Variants in AK5 observed in about 807,000 individuals in gnomAD.
AK5 encodes the protein adenylate kinase 5.
In AK5, 27 loss-of-function variants were observed where a neutral mutation model predicts 69.5. The observed-to-expected ratio is 0.39, with a 90% CI of 0.29 to 0.54. The LOEUF (loss-of-function observed/expected upper bound fraction) is 0.54. Ranked by LOEUF, AK5 falls within the 20% of genes least tolerant of loss-of-function variation. AK5 has a pLI of 0.71. For missense variants in AK5, 531 were observed against 700.4 expected (o/e 0.76, Z 2.73); for synonymous variants, 260 against 244.4 (o/e 1.06, Z -0.60).
intron 8 of AK5, among the ~76,000 whole-genome samples, chr1:77,471,510 AC>A (rs1158783679): frequency 6.6e-6 from 1 of 152,122 alleles, no homozygotes; most frequent in Admixed American, 6.5e-5. Context: ...GCTTTTCCCC[AC>A]TGCAATAGTA....
At chr1:77,540,896 T>G (rs1659232205) in intron 13 of AK5, among the ~76,000 whole-genome samples, 1 of 150,584 alleles carries the variant, frequency 6.6e-6, no homozygotes, top group East Asian at 2.0e-4. Flanking sequence ...AGCTTAGGAG[T>G]TTTTTTTTGT....
intron 5 of AK5, among the ~76,000 whole-genome samples, chr1:77,325,749 A>C (rs1302474392): frequency 6.6e-6 from 1 of 151,258 alleles, no homozygotes; most frequent in Non-Finnish European, 1.5e-5. Flanking sequence ...TATCTTGCCC[A>C]TTTTGCATCT....
chr1:77,413,240 C>A (rs1650168033), intron 7 of AK5, among the ~76,000 whole-genome samples: 2 of 152,104 alleles, frequency 1.3e-5, no homozygotes, highest in African/African-American at 4.8e-5. Flanking sequence ...TAGGCATTTT[C>A]CACCTGCTCT....
At chr1:77,397,899 C>CTAAA (rs911427657) in intron 6 of AK5, among the ~76,000 whole-genome samples, 1 of 152,060 alleles carries the variant, frequency 6.6e-6, no homozygotes, top group Non-Finnish European at 1.5e-5. Context: ...AAGACGGTCT[C>CTAAA]TAAATAAATA....
chr1:77,319,228 A>G (rs1206441412), intron 5 of AK5, among the ~76,000 whole-genome samples: 1 of 152,074 alleles, frequency 6.6e-6, no homozygotes, highest in Non-Finnish European at 1.5e-5. Context: ...AAATTTCAAG[A>G]CTTTCCTTTC....
At position 77,341,416 on chromosome 1, in the gene AK5, C is replaced by T. The variant is rs1296140395; in HGVS notation, c.891+848C>T. 3.3e-5 allele frequency among the ~76,000 whole-genome samples: 5 copies of T among 152,204 alleles called. No homozygotes were observed. In the East Asian group the frequency reaches 5.8e-4, roughly 18 times the overall value. On this transcript the variant is annotated intron_variant, in intron 6 of 13. Coordinates refer to ENST00000354567, the MANE Select transcript of AK5 (RefSeq NM_174858.3). ...ACCTTGGCAGAATCCTCCTCTCAGC[C>T]CTCGGGCCCGGGCCAGTGGACCAAA...
At chr1:77,431,887 A>T (rs1220128775) in intron 8 of AK5, among the ~76,000 whole-genome samples, 1 of 152,200 alleles carries the variant, frequency 6.6e-6, no homozygotes, top group Admixed American at 6.5e-5. Context: ...GGCTACAAGG[A>T]TAAGTAACAA....
chr1:77,476,811 T>C (rs1365225352), intron 8 of AK5, among the ~76,000 whole-genome samples: 1 of 152,098 alleles, frequency 6.6e-6, no homozygotes, highest in African/African-American at 2.4e-5. Context: ...CAGATGAGAT[T>C]GCACATGCTG....
At chr1:77,355,748 G>A (rs1300232462) in intron 6 of AK5, among the ~76,000 whole-genome samples, 2 of 151,824 alleles carry the variant, frequency 1.3e-5, no homozygotes, top group African/African-American at 4.8e-5. Context: ...TAATTCTGCT[G>A]TCATCATCAA....
At position 77,304,720 on chromosome 1, in the gene AK5, G is replaced by A. The variant is rs149973277; in HGVS notation, c.699+6773G>A. On this transcript the variant is annotated intron_variant, in intron 5 of 13. Coordinates refer to ENST00000354567, the MANE Select transcript of AK5 (RefSeq NM_174858.3). ...ATGCCCGGCCTTATGTACCACATTTGCTTTATCCATTCATCTGTGGATGAA... is the reference window on the plus strand; with the variant it reads ...ATGCCCGGCCTTATGTACCACATTTACTTTATCCATTCATCTGTGGATGAA... Among the ~76,000 whole-genome samples, 957 of 152,242 alleles carry A rather than the reference G, an allele frequency of 6.3e-3. 7 individuals carry two copies. Among genetic ancestry groups the A allele is most frequent in the Non-Finnish European group, 9.9e-3 (670 of 68,002 alleles).
chr1:77,282,689 G>C, intron 1 of AK5: 3 of 1,127,740 alleles, frequency 2.7e-6, no homozygotes, highest in Non-Finnish European at 3.3e-6. Context: ...CCGCGGCCGG[G>C]CCGCACTCTC....
intron 8 of AK5, among the ~76,000 whole-genome samples, chr1:77,445,484 T>G (rs1652691847): frequency 6.6e-6 from 1 of 152,242 alleles, no homozygotes; most frequent in South Asian, 2.1e-4. Flanking sequence ...TTATATATTT[T>G]CCTGCTACCA....
intron 6 of AK5, among the ~76,000 whole-genome samples, chr1:77,410,428 C>T: frequency 6.6e-6 from 1 of 151,974 alleles, no homozygotes; most frequent in South Asian, 2.1e-4. Context: ...CAGGCACATG[C>T]CACCATGCCT....
chr1:77,388,742 T>C (rs1180381036), intron 6 of AK5, among the ~76,000 whole-genome samples: 1 of 131,744 alleles, frequency 7.6e-6, no homozygotes, highest in African/African-American at 3.0e-5. Context: ...AAGCATAAGC[T>C]CTATGGAAAA....
intron 6 of AK5, among the ~76,000 whole-genome samples, chr1:77,398,917 A>G (rs543757670): frequency 1.3e-5 from 2 of 152,130 alleles, no homozygotes; most frequent in South Asian, 4.2e-4. Flanking sequence ...ATCTCAAGAG[A>G]TATTCTAAAA....
intron 6 of AK5, among the ~76,000 whole-genome samples, chr1:77,386,682 C>A (rs1648053366): frequency 6.6e-6 from 1 of 152,156 alleles, no homozygotes; most frequent in Admixed American, 6.5e-5. Flanking sequence ...AAAGCTGTTA[C>A]ATATGTATAA....
At chr1:77,523,623 T>A (rs2100324556) in intron 12 of AK5, among the ~76,000 whole-genome samples, 1 of 152,326 alleles carries the variant, frequency 6.6e-6, no homozygotes, top group East Asian at 1.9e-4. Flanking sequence ...CACCACCATC[T>A]TGAGAACTCT....
At chr1:77,533,914 C>T (rs1358798647) in intron 12 of AK5, among the ~76,000 whole-genome samples, 2 of 152,068 alleles carry the variant, frequency 1.3e-5, no homozygotes, top group African/African-American at 2.4e-5. Flanking sequence ...TTTTCCTAAA[C>T]CCTCACCCAG....
At chr1:77,311,166 C>CT (rs1287561163) in intron 5 of AK5, among the ~76,000 whole-genome samples, 1 of 152,090 alleles carries the variant, frequency 6.6e-6, no homozygotes, top group African/African-American at 2.4e-5. Flanking sequence ...CCACTGCCAC[C>CT]TTCAGGACCC....
Sources: gnomAD v4.1 joint callset for allele counts (sites outside exome capture counted in the v4.1 genomes callset) on GRCh38, gnomAD v4.1.1 for gene constraint, MANE v1.5 for transcripts, NCBI Gene and HGNC (gene_info 2026-07-23, HGNC 2026-07-21) for gene names.